The following SCN4A variants were observed in gnomAD, a reference collection of about 807,000 sequenced individuals.
The protein encoded by SCN4A is sodium channel protein type 4 subunit alpha.
Under a neutral mutation model 162.0 loss-of-function variants are expected in SCN4A, and 83 were observed. The ratio of observed to expected loss-of-function variants is 0.51; its 90% CI spans 0.43 to 0.61. The LOEUF is 0.61. Among genes scored for constraint, SCN4A ranks in the 20% least tolerant of loss-of-function variants. The probability of loss-of-function intolerance (pLI) is 0.00; values close to 1 mark genes in which losing one functional copy is unlikely to be tolerated. For missense variants in SCN4A, 2,196 were observed against 2,462.5 expected (o/e 0.89, Z 2.29); for synonymous variants, 944 against 985.1 (o/e 0.96, Z 0.78).
chr17:63,946,943 C>G (rs8076075), intron 18 of SCN4A, 102 bp downstream of exon 18: 4 of 1,172,934 alleles, frequency 3.4e-6, no homozygotes, highest in Non-Finnish European at 4.8e-6. Context: ...TCTCTGCTTC[C>G]CTCTGGTGGT....
At position 63,961,334 on chromosome 17, in the gene SCN4A, C is replaced by T; in HGVS notation, c.1704G>A (p.Lys568=). The change falls in exon 11 of 24, where the codon AAG becomes AAA. Residue 568 remains lysine (K), a synonymous_variant. Transcript: ENST00000435607. ...CCATGACGATCAGGTGGATGATGTT[C>T]TTGAACTTCAGCCACGGGGCGCAGC... ...WNCCAPWLKF[K]NIIHLIVMDP... 1.2e-6 allele frequency: 2 copies of T among 1,613,896 alleles called. No homozygotes were observed. Among genetic ancestry groups the T allele is most frequent in the Non-Finnish European group, 8.5e-7 (1 of 1,179,842 alleles).
rs193273984 is a variant in SCN4A, at chr17:63,945,534, A to G, written c.3546T>C (p.Phe1182=). 1.1e-5 allele frequency: 17 copies of G among 1,613,974 alleles called. No homozygotes were observed. In the East Asian group the frequency reaches 2.9e-4, roughly 27 times the overall value. Residue 1182 remains phenylalanine, a synonymous_variant, in exon 19 of 24, where the codon TTT becomes TTC. Transcript: ENST00000435607. This position sits in a 1 kb window ranked among gnomAD's most constrained non-coding sequence, Gnocchi z 4.4. ...TGATGCAGTAGTAGAACTTGCCGGC[A>G]AACAGGTTGACACCCATGATGCTGA... ...LIFSIMGVNL[F]AGKFYYCINT... is the part of the protein sequence containing the mutation.
chr17:63,968,090 C>A lies in SCN4A; in HGVS notation c.969G>T (p.Thr323=). The A allele has an allele frequency of 1.2e-6, 2 of 1,613,968 alleles. No individual in the cohort carries two copies. Among genetic ancestry groups the A allele is most frequent in the Non-Finnish European group, 1.7e-6 (2 of 1,179,888 alleles). ...TGGCCCAGCTTGCATGGCTGTTCCA[C>A]GTGTCGTTGGCATACCATGAGTCAT... ...YGNDSWYAND[T]WNSHASWATN... Residue 323 remains threonine, a synonymous_variant, in exon 6 of 24, where the codon ACG becomes ACT. Coordinates refer to ENST00000435607, the MANE Select transcript of SCN4A (RefSeq NM_000334.4).
At chr17:63,958,282 G>A (rs1909135152) in intron 12 of SCN4A, among the ~76,000 whole-genome samples, 1 of 151,874 alleles carries the variant, frequency 6.6e-6, no homozygotes, top group Non-Finnish European at 1.5e-5. Flanking sequence ...CCTGAGTCTG[G>A]GGAGGTCAAG....
chr17:63,953,636 G>A (rs541741534), intron 13 of SCN4A, among the ~76,000 whole-genome samples: 4 of 148,774 alleles, frequency 2.7e-5, no homozygotes, highest in African/African-American at 1.0e-4. Context: ...AGCCCAGATT[G>A]CACCCACTGC....
At chr17:63,947,796 G>T in intron 17 of SCN4A, 94 bp downstream of exon 17, 1 of 1,307,552 alleles carries the variant, frequency 7.6e-7, no homozygotes, top group Non-Finnish European at 1.1e-6. Flanking sequence ...GTGGCCTCGG[G>T]CAGGTCCTGC....
chr17:63,970,147 G>C (rs1245220655), intron 5 of SCN4A, among the ~76,000 whole-genome samples: 1 of 152,170 alleles, frequency 6.6e-6, no homozygotes. Context: ...CTCAGCAGGT[G>C]CCTGGTGTGT....
At chr17:63,968,428 C>G in intron 5 of SCN4A, 73 bp from the exon 6 acceptor site, 1 of 1,293,248 alleles carries the variant, frequency 7.7e-7, no homozygotes. Flanking sequence ...CGGCCCCCAC[C>G]GCCAAGCTTT....
Position 63,956,915 on chromosome 17 carries a change from G to T in SCN4A, c.2376+247C>A, listed in dbSNP as rs78418598. Among the ~76,000 whole-genome samples the T allele has an allele frequency of 4.3e-4, 66 of 152,392 alleles. 1 individual carries two copies. The highest frequency in any genetic ancestry group is 1.5e-3 in the African/African-American group (63 of 41,600). On this transcript the variant is annotated intron_variant, in intron 13 of 23. Coordinates refer to ENST00000435607, the MANE Select transcript of SCN4A (RefSeq NM_000334.4). ...CATCACCTCGGAGCTTGTCAGAAAT[G>T]CAGGTCCCCAGGCCTAGGCCCAGAG...
chr17:63,942,394 G>T (rs924162089), intron 23 of SCN4A, among the ~76,000 whole-genome samples: 4 of 152,112 alleles, frequency 2.6e-5, no homozygotes, highest in African/African-American at 9.7e-5. Context: ...TTCCTTACCT[G>T]TAAAATGGGA....
rs1469967147 is a variant in SCN4A, at chr17:63,964,666, T to C, written c.1254A>G (p.Ala418=). 7 of 1,606,850 alleles carry C rather than the reference T, an allele frequency of 4.4e-6. No individual in the cohort carries two copies. In the African/African-American group the frequency reaches 8.0e-5, roughly 18 times the overall value. ...WENLFQLTLR[A]AGKTYMIFFV... ...AGAAGATCATGTAGGTCTTGCCAGC[T>C]GCTCGAAGGGTCTGGGAGTGGAGGG... Residue 418 remains alanine, a synonymous_variant, in exon 9 of 24, where the codon GCA becomes GCG. Coordinates refer to ENST00000435607, the MANE Select transcript of SCN4A (RefSeq NM_000334.4).
Position 63,959,246 on chromosome 17 carries a change from C to G in SCN4A, c.2019+19G>C. 6.2e-7 allele frequency: 1 copy of G among 1,600,036 alleles called. No individual in the cohort carries two copies. The highest frequency in any genetic ancestry group is 8.6e-7 in the Non-Finnish European group (1 of 1,169,474). On this transcript the variant is annotated intron_variant, in intron 12 of 23. Coordinates refer to ENST00000435607, the MANE Select transcript of SCN4A (RefSeq NM_000334.4). ...ACCCCACCCCCATCCCAGCCCCTGG[C>G]CCTGGGGCTTTTGTGTACCAGACGG...
Position 63,961,445 on chromosome 17 carries a change from G to A in SCN4A, c.1607-14C>T. 1 of 1,583,314 alleles carries A rather than the reference G, an allele frequency of 6.3e-7. No homozygotes were observed. The highest frequency in any genetic ancestry group is 2.2e-5 in the East Asian group (1 of 44,666). ...CCTCTTCCAGTTCTGGGAGAGGGGT[G>A]GTAGCAGGTATCTGGTGAGGATTAT... is the stretch of plus-strand genomic sequence containing the variant. On this transcript the variant is annotated splice_polypyrimidine_tract_variant and intron_variant, in intron 10 of 23. Coordinates refer to ENST00000435607, the MANE Select transcript of SCN4A (RefSeq NM_000334.4).
In SCN4A at chr17:63,942,303, C is replaced by CAG. The variant is rs981527515; in HGVS notation, c.4289-312_4289-311dup. Reference sequence around the variant, plus strand: ...TGTGTGTGTGTGTGTGTGAAAGAGACAGAGAGAGAGAGACAGAGAGAGAGG... The same window carrying CAG: ...TGTGTGTGTGTGTGTGTGAAAGAGACAGAGAGAGAGAGAGACAGAGAGAGAGG... On this transcript the variant is annotated intron_variant, in intron 23 of 23. Transcript: ENST00000435607. Among the ~76,000 whole-genome samples the CAG allele has an allele frequency of 9.9e-4, 134 of 135,332 alleles. 3 individuals are homozygous for CAG. The highest frequency in any genetic ancestry group is 3.3e-3 in the African/African-American group (126 of 38,398). 88.8% of individuals were successfully genotyped at this position (135,332 alleles called of 152,430 possible).
chr17:63,966,674 C>G, intron 6 of SCN4A, 130 bp from the exon 7 acceptor site: 1 of 691,838 alleles, frequency 1.4e-6, no homozygotes, highest in East Asian at 2.7e-5. Flanking sequence ...CCCTGGCTGC[C>G]TCTTCCCCGT....
Position 63,968,202 on chromosome 17 carries a change from G to T in SCN4A, c.857C>A (p.Pro286Gln). The T allele has an allele frequency of 1.2e-6, 2 of 1,613,970 alleles. No homozygotes were observed. Among genetic ancestry groups the T allele is most frequent in the Non-Finnish European group, 1.7e-6 (2 of 1,179,896 alleles). The change falls in exon 6 of 24, where the codon CCG becomes CAG. Residue 286 changes from proline to glutamine, a missense_variant. Pro to Gln is a moderately conservative substitution (Grantham distance 76). Coordinates refer to ENST00000435607, the MANE Select transcript of SCN4A (RefSeq NM_000334.4). ...CCACGTGGTGTTGGTGTCGTTGAACGGCGGGGGCCAGCGCACACACTTCTG... is the reference window on the plus strand; with the variant it reads ...CCACGTGGTGTTGGTGTCGTTGAACTGCGGGGGCCAGCGCACACACTTCTG... ...LRQKCVRWPPPFNDTNTTWYS... is the reference protein window; with the variant it reads ...LRQKCVRWPPQFNDTNTTWYS...
intron 15 of SCN4A, 55 bp from the exon 16 acceptor site, chr17:63,948,820 CT>C: frequency 6.6e-7 from 1 of 1,512,224 alleles, no homozygotes. Flanking sequence ...CTGGGGTTGC[CT>C]TGGGGTGCAC....
At chr17:63,946,639 C>T (rs1428746510) in intron 18 of SCN4A, among the ~76,000 whole-genome samples, 1 of 152,102 alleles carries the variant, frequency 6.6e-6, no homozygotes, top group East Asian at 1.9e-4. Context: ...CACCTTGTTT[C>T]AAAGCCCTGG....
rs1371453771 is a variant in SCN4A at position 63,956,919 on chromosome 17, G to T, written c.2376+243C>A. On this transcript the variant is annotated intron_variant, in intron 13 of 23. Transcript: ENST00000435607. ...ACCTCGGAGCTTGTCAGAAATGCAGGTCCCCAGGCCTAGGCCCAGAGCTGC... is the reference window on the plus strand; with the variant it reads ...ACCTCGGAGCTTGTCAGAAATGCAGTTCCCCAGGCCTAGGCCCAGAGCTGC... Among the ~76,000 whole-genome samples, 5 of 152,356 alleles carry T rather than the reference G, an allele frequency of 3.3e-5. No individual in the cohort carries two copies. The East Asian group carries it at 9.6e-4, about 29-fold the overall frequency.
Sources: gnomAD v4.1 joint callset for allele counts (sites outside exome capture counted in the v4.1 genomes callset) on GRCh38, gnomAD v4.1.1 for gene constraint, Gnocchi (gnomAD v3.1) non-coding constraint, MANE v1.5 for transcripts, NCBI Gene and HGNC (gene_info 2026-07-23, HGNC 2026-07-21) for gene names.